Variants in SEC14L5 observed in about 807,000 individuals in gnomAD.
The protein encoded by SEC14L5 is SEC14 like lipid binding 5, also known as SEC14-like protein 5.
In SEC14L5, 96 loss-of-function variants were observed where a neutral mutation model predicts 84.6. The ratio of observed to expected loss-of-function variants is 1.13; its 90% CI spans 0.96 to 1.34. SEC14L5 has a LOEUF of 1.34. Ranked by LOEUF, SEC14L5 falls within the 40% of genes most tolerant of loss-of-function variation. The pLI is 0.00. For missense variants in SEC14L5, 1,224 were observed against 942.5 expected, an observed-to-expected ratio of 1.30 and a Z score of -3.91; for synonymous variants, 546 against 383.4, an observed-to-expected ratio of 1.42 and a Z score of -4.95.
chr16:4,988,309 G>T (rs1182303820), intron 4 of SEC14L5, 29 bp downstream of exon 4: 7 of 1,609,328 alleles, frequency 4.3e-6, no homozygotes, highest in South Asian at 1.1e-5. Flanking sequence ...CAGCGCCCAC[G>T]CCCGGCACCC....
At chr16:4,966,918 G>A (rs1273181372) in intron 2 of SEC14L5, among the ~76,000 whole-genome samples, 1 of 152,186 alleles carries the variant, frequency 6.6e-6, no homozygotes, top group Non-Finnish European at 1.5e-5. Context: ...TGCAGGCCCT[G>A]GCCCCTGGCA....
intron 2 of SEC14L5, among the ~76,000 whole-genome samples, chr16:4,972,761 C>T (rs372257352): frequency 7.9e-5 from 12 of 152,252 alleles, no homozygotes; most frequent in African/African-American, 2.9e-4. Context: ...GGTGTTTTCC[C>T]CCTTTTGATC....
At position 4,996,453 on chromosome 16, in the gene SEC14L5, A is replaced by G; in HGVS notation, c.773A>G (p.Lys258Arg). 1.9e-6 allele frequency: 3 copies of G among 1,558,416 alleles called. No homozygotes were observed. Among genetic ancestry groups the G allele is most frequent in the Non-Finnish European group, 2.6e-6 (3 of 1,149,062 alleles). Residue 258 changes from lysine to arginine, a missense_variant, in exon 7 of 16, where the codon AAA becomes AGA. Physicochemically the swap from Lys to Arg is conservative, Grantham distance 26. Coordinates refer to ENST00000251170, the MANE Select transcript of SEC14L5 (RefSeq NM_014692.2). Reference protein sequence around the residue: ...QLRHWLQETHKGKIPKDEHIL... With the variant: ...QLRHWLQETHRGKIPKDEHIL... ...CGGCACTGGTTACAGGAGACCCACAAAGGCAAGGTGGGTGCAGGGGGTACC... is the reference window on the plus strand; with the variant it reads ...CGGCACTGGTTACAGGAGACCCACAGAGGCAAGGTGGGTGCAGGGGGTACC...
intron 15 of SEC14L5, 22 bp downstream of exon 15, chr16:5,011,295 G>T: frequency 1.2e-6 from 2 of 1,605,888 alleles, no homozygotes; most frequent in South Asian, 2.2e-5. Context: ...CCGGAGCGGG[G>T]TCCTGGGCAG....
chr16:4,977,318 G>C (rs577635063), intron 2 of SEC14L5, among the ~76,000 whole-genome samples: 5 of 151,596 alleles, frequency 3.3e-5, no homozygotes, highest in African/African-American at 1.2e-4. Context: ...GTGGTGGTGG[G>C]TGCCTGTAAT....
rs1366842703 is a variant in SEC14L5, at chr16:4,996,851, T to C, written c.781-4T>C. ...TGTGGGCTTTTTACTTCTTTGTCTC[T>C]CAGATTCCCAAAGATGAGCACATCC... On this transcript the variant is annotated splice_region_variant and splice_polypyrimidine_tract_variant and intron_variant, in intron 7 of 15. Coordinates refer to ENST00000251170, the MANE Select transcript of SEC14L5 (RefSeq NM_014692.2). 1 of 1,607,128 alleles carries C rather than the reference T, an allele frequency of 6.2e-7. No individual in the cohort carries two copies. Among genetic ancestry groups the C allele is most frequent in the East Asian group, 2.2e-5 (1 of 44,762 alleles).
In SEC14L5 at chr16:5,003,685, T is replaced by G. The variant is rs1055397949; in HGVS notation, c.1302+112T>G. On this transcript the variant is annotated intron_variant, in intron 11 of 15. Transcript: ENST00000251170. ...CCTGTTTCATTTCATTTAGTAACTT[T>G]TTGGAGATGAAACTCACATAGCATA... 11 of 731,358 alleles carry G rather than the reference T, an allele frequency of 1.5e-5. No individual in the cohort carries two copies. In the African/African-American group the frequency reaches 1.8e-4, roughly 12 times the overall value. 45.3% of individuals were successfully genotyped at this position (731,358 alleles called of 1,614,324 possible).
At chr16:4,994,574 C>G (rs1349413319) in intron 6 of SEC14L5, among the ~76,000 whole-genome samples, 2 of 152,124 alleles carry the variant, frequency 1.3e-5, no homozygotes, top group African/African-American at 4.8e-5. Context: ...GAACTCCTGA[C>G]CTCAAGTTAT....
intron 2 of SEC14L5, among the ~76,000 whole-genome samples, chr16:4,976,674 G>T (rs542519986): frequency 6.6e-6 from 1 of 152,316 alleles, no homozygotes; most frequent in African/African-American, 2.4e-5. Flanking sequence ...AGGCAGCCCT[G>T]CTTGGTCCCT....
chr16:4,965,618 A>G (rs1442383758), intron 2 of SEC14L5, among the ~76,000 whole-genome samples: 1 of 126,562 alleles, frequency 7.9e-6, no homozygotes, highest in Non-Finnish European at 1.6e-5. Context: ...CCGAGATAGC[A>G]CCACTGCACT....
intron 2 of SEC14L5, among the ~76,000 whole-genome samples, chr16:4,976,446 C>A (rs1955340953): frequency 6.6e-6 from 1 of 152,198 alleles, no homozygotes. Context: ...CGGCTGATGA[C>A]CCTATTTCAG....
At chr16:4,986,538 A>G (rs1955489328) in intron 2 of SEC14L5, among the ~76,000 whole-genome samples, 1 of 152,178 alleles carries the variant, frequency 6.6e-6, no homozygotes, top group African/African-American at 2.4e-5. Flanking sequence ...GTATTTCCAT[A>G]TGAATTTTGG....
intron 11 of SEC14L5, among the ~76,000 whole-genome samples, chr16:5,004,874 C>G (rs918103447): frequency 3.3e-5 from 5 of 152,186 alleles, no homozygotes; most frequent in African/African-American, 1.2e-4. Context: ...AATACTGTTC[C>G]ATCCATGTAA....
At chr16:4,979,170 G>A (rs1052845400) in intron 2 of SEC14L5, among the ~76,000 whole-genome samples, 3 of 152,196 alleles carry the variant, frequency 2.0e-5, no homozygotes, top group African/African-American at 7.2e-5. Context: ...AGGGCACAGG[G>A]AGGGTCAGAA....
At position 4,986,301 on chromosome 16, in the gene SEC14L5, G is replaced by A. The variant is rs182532122; in HGVS notation, c.64-1256G>A. On this transcript the variant is annotated intron_variant, in intron 2 of 15. Transcript: ENST00000251170. The stretch of plus-strand genomic sequence containing the variant: ...ATTACAGGCACCTGCCACCACGCCC[G>A]GCTGCTTTTTGTATTTTTAGTAGAG... 5.3e-3 allele frequency among the ~76,000 whole-genome samples: 801 copies of A among 152,058 alleles called. 2 individuals carry two copies. The highest frequency in any genetic ancestry group is 7.0e-3 in the Non-Finnish European group (473 of 67,990).
intron 2 of SEC14L5, among the ~76,000 whole-genome samples, chr16:4,968,282 C>A (rs1275309539): frequency 2.0e-5 from 3 of 151,738 alleles, no homozygotes; most frequent in Admixed American, 2.0e-4. Flanking sequence ...CGGGTTCAAG[C>A]AATTCTTCTA....
Position 5,000,650 on chromosome 16 carries a change from CA to C in SEC14L5, c.971-2del, listed in dbSNP as rs1568139953. ...TCTTCTTTCTGCTTGGCCCCATCCA[CA>C]AAGATGGCCGCCCCCTCTACATCCT... On this transcript the variant is annotated splice_region_variant and splice_polypyrimidine_tract_variant and intron_variant, in intron 8 of 15. Coordinates refer to ENST00000251170, the MANE Select transcript of SEC14L5 (RefSeq NM_014692.2). The C allele has an allele frequency of 3.2e-6, 5 of 1,550,760 alleles. No homozygotes were observed. The highest frequency in any genetic ancestry group is 2.0e-5 in the Admixed American group (1 of 50,996).
At position 4,990,798 on chromosome 16, in the gene SEC14L5, T is replaced by G; in HGVS notation, c.377T>G (p.Phe126Cys). The G allele has an allele frequency of 6.2e-7, 1 of 1,611,922 alleles. No individual in the cohort carries two copies. ...VHPENEDWTC[F>C]EQSASLDIRS... is the part of the protein sequence containing the mutation. ...CCTGAGAATGAAGACTGGACTTGCT[T>G]CGAGCAGTCTGCCTCACTGGACATT... The change falls in exon 5 of 16, where the codon TTC becomes TGC. Residue 126 changes from phenylalanine (F) to cysteine (C), a missense_variant. Physicochemically the swap from Phe to Cys is radical, Grantham distance 205. Coordinates refer to ENST00000251170, the MANE Select transcript of SEC14L5 (RefSeq NM_014692.2).
Position 5,014,955 on chromosome 16 carries a change from C to A in SEC14L5, c.2076C>A (p.Ser692=). ...SSSSGQSHSS[S]LVSR ...CCTCCGGCCAGTCTCATAGCAGCTC[C>A]CTGGTCTCCAGATAGCCGGGCCCAG... Residue 692 remains serine, a synonymous_variant, in exon 16 of 16, where the codon TCC becomes TCA. Transcript: ENST00000251170. 6.2e-7 allele frequency: 1 copy of A among 1,611,042 alleles called. No homozygotes were observed. The highest frequency in any genetic ancestry group is 8.5e-7 in the Non-Finnish European group (1 of 1,179,596).
Sources: gnomAD v4.1 joint callset for allele counts (sites outside exome capture counted in the v4.1 genomes callset) on GRCh38, gnomAD v4.1.1 for gene constraint, MANE v1.5 for transcripts, NCBI Gene and HGNC (gene_info 2026-07-23, HGNC 2026-07-21) for gene names.